The following HEYL variants were observed in gnomAD, a reference collection of about 807,000 sequenced individuals.
HEYL encodes hes related family bHLH transcription factor with YRPW motif like, also known as hairy/enhancer-of-split related with YRPW motif-like protein.
Under a neutral mutation model 18.6 loss-of-function variants are expected in HEYL, and 12 were observed. The observed-to-expected ratio is 0.65, with a 90% CI of 0.41 to 1.05. HEYL has a LOEUF of 1.05. HEYL is among the 50% of genes least tolerant of loss of function. HEYL has a pLI of 0.00. For missense variants in HEYL, 420 were observed against 444.7 expected, an observed-to-expected ratio of 0.94 and a Z score of 0.50; for synonymous variants, 159 against 179.6, an observed-to-expected ratio of 0.89 and a Z score of 0.91.
chr1:39,636,318 G>C (rs1032896930), intron 1 of HEYL, among the ~76,000 whole-genome samples: 2 of 151,480 alleles, frequency 1.3e-5, no homozygotes, highest in Non-Finnish European at 2.9e-5. Flanking sequence ...CCAGGCTGGA[G>C]TGCAGTGGCA....
At position 39,626,260 on chromosome 1, in the gene HEYL, CTGT is replaced by C; in HGVS notation, c.*244_*246del. ...TCTGAGGGTCTCTCCCAGGACTCATCTGTTCAGGTGAGAAATGGAACCAAGCCT... is the reference window on the plus strand; with the variant it reads ...TCTGAGGGTCTCTCCCAGGACTCATCTCAGGTGAGAAATGGAACCAAGCCT... On this transcript the variant is annotated 3_prime_UTR_variant, in exon 5 of 5. Coordinates refer to ENST00000372852, the MANE Select transcript of HEYL (RefSeq NM_014571.4). 1 of 494,538 alleles carries C rather than the reference CTGT, an allele frequency of 2.0e-6. No individual in the cohort carries two copies. The highest frequency in any genetic ancestry group is 3.5e-6 in the Non-Finnish European group (1 of 283,306). The allele number at this position is 494,538 out of a possible 1,614,324, so 30.6% of individuals were successfully genotyped here. A position where few individuals can be genotyped will look rare whatever the true frequency, so the allele number is the denominator to read the frequency against.
Position 39,627,194 on chromosome 1 carries a change from C to T in HEYL, c.314-14G>A, listed in dbSNP as rs577090700. The T allele has an allele frequency of 3.9e-5, 62 of 1,603,450 alleles. No homozygotes were observed. The East Asian group carries it at 1.0e-3, about 27-fold the overall frequency. ...CATCAAAGAATCCTGCAAAGGGAGG[C>T]GTGATGAAGGTCATGCCAGGTGTGG... On this transcript the variant is annotated splice_polypyrimidine_tract_variant and intron_variant, in intron 4 of 4. Transcript: ENST00000372852.
rs146516387 is a variant in HEYL, at chr1:39,626,909, G to C, written c.585C>G (p.Ile195Met). Residue 195 changes from isoleucine (I) to methionine (M), a missense_variant, in exon 5 of 5, where the codon ATC (isoleucine) becomes ATG (methionine). Ile to Met is a conservative substitution (Grantham distance 10, BLOSUM62 1). Coordinates refer to ENST00000372852, the MANE Select transcript of HEYL (RefSeq NM_014571.4). ...GLPALSNQLA[I>M]LGRVPSPVLP... The stretch of plus-strand genomic sequence containing the variant: ...GGACAGGGCTGGGCACTCTTCCCAG[G>C]ATGGCGAGCTGGTTGCTCAGGGCTG... 1.5e-4 allele frequency: 248 copies of C among 1,610,634 alleles called. 1 individual carries two copies. The African/African-American group carries it at 2.8e-3, about 18-fold the overall frequency.
chr1:39,633,529 G>C (rs963411238), intron 1 of HEYL: 3 of 152,260 alleles, frequency 2.0e-5, no homozygotes, highest in Non-Finnish European at 4.4e-5. Flanking sequence ...GGTCCACTGA[G>C]GCATCATTCA....
At position 39,639,578 on chromosome 1, in the gene HEYL, T is replaced by TCCGTCGGACTCC. The variant is rs776447709; in HGVS notation, c.36_47dup (p.Glu13_Gly16dup). On this transcript the variant is annotated inframe_insertion, in exon 1 of 5. Coordinates refer to ENST00000372852, the MANE Select transcript of HEYL (RefSeq NM_014571.4). ...GGCCCTCTTGGCCCACGTCGATGGG[T>TCCGTCGGACTCC]CCGTCGGACTCCCCGTCGGAGCCGC... 1.3e-6 allele frequency: 2 copies of TCCGTCGGACTCC among 1,582,752 alleles called. No homozygotes were observed. The highest frequency in any genetic ancestry group is 2.8e-5 in the African/African-American group (2 of 71,366).
In HEYL at chr1:39,626,857, G is replaced by C. The variant is rs1237592905; in HGVS notation, c.637C>G (p.Pro213Ala). ...GGAGCGGTTCGGAGGGCTGGGATGG[G>C]GTAAGCAGGAGAGGAGACACCGGGG... is the stretch of plus-strand genomic sequence containing the variant. ...VLPGVSSPAY[P>A]IPALRTAPLR... The change falls in exon 5 of 5, where the codon CCC becomes GCC. Residue 213 changes from proline to alanine, a missense_variant. Pro to Ala is a conservative substitution (Grantham distance 27, BLOSUM62 -1). Transcript: ENST00000372852. 5.7e-6 allele frequency: 9 copies of C among 1,587,664 alleles called. No homozygotes were observed. The highest frequency in any genetic ancestry group is 7.7e-6 in the Non-Finnish European group (9 of 1,166,622).
At chr1:39,637,446 C>T (rs369541038) in intron 1 of HEYL, among the ~76,000 whole-genome samples, 1 of 152,204 alleles carries the variant, frequency 6.6e-6, no homozygotes, top group African/African-American at 2.4e-5. Context: ...AGCTCTTCTT[C>T]CCTGAGAGTT....
rs1426651129 is a variant in HEYL at position 39,626,722 on chromosome 1, C to T, written c.772G>A (p.Val258Met). The change falls in exon 5 of 5, where the codon GTG becomes ATG. Residue 258 changes from valine to methionine, a missense_variant. Physicochemically the swap from Val to Met is conservative, Grantham distance 21. Coordinates refer to ENST00000372852, the MANE Select transcript of HEYL (RefSeq NM_014571.4). ...ARPLERPATP[V>M]PVAPSSRAAR... ...GCCCTGCTGCTGGGGGCGACAGGCACAGGGGTCGCTGGCCTCTCTAGGGGG... is the reference window on the plus strand; with the variant it reads ...GCCCTGCTGCTGGGGGCGACAGGCATAGGGGTCGCTGGCCTCTCTAGGGGG... The T allele has an allele frequency of 2.6e-6, 4 of 1,509,524 alleles. No homozygotes were observed. The East Asian group carries it at 9.7e-5, about 37-fold the overall frequency. The allele number at this position is 1,509,524 out of a possible 1,614,324, so 93.5% of individuals were successfully genotyped here.
Position 39,632,679 on chromosome 1 carries a change from C to T in HEYL, c.117G>A (p.Ser39=), listed in dbSNP as rs763202732. 3.7e-6 allele frequency: 6 copies of T among 1,613,812 alleles called. No individual in the cohort carries two copies. The South Asian group carries it at 4.4e-5, about 12-fold the overall frequency. The change falls in exon 2 of 5, where the codon TCG becomes TCA. Residue 39 remains serine (S), a synonymous_variant. Coordinates refer to ENST00000372852, the MANE Select transcript of HEYL (RefSeq NM_014571.4). ...MARPLSTPSS[S]QMQARKKHRG... ...TGTGTTTCTTCCTGGCTTGCATCTG[C>T]GAAGAGCTGGGGGTGGACAGCGGCC...
chr1:39,626,581 G>T lies in HEYL; in HGVS notation c.913C>A (p.Pro305Thr). 3 of 1,552,430 alleles carry T rather than the reference G, an allele frequency of 1.9e-6. No homozygotes were observed. Among genetic ancestry groups the T allele is most frequent in the Non-Finnish European group, 2.6e-6 (3 of 1,148,648 alleles). ...ATGGCTCCCGCTGGCCTCCCAGCTG[G>T]CCCTGGGGAGGATGAGTTGGGGGTG... ...VPTPNSSSPG[P>T]AGRPAGAMLY... Residue 305 changes from proline to threonine, a missense_variant, in exon 5 of 5, where the codon CCA becomes ACA. Physicochemically the swap from Pro to Thr is conservative, Grantham distance 38. Transcript: ENST00000372852.
intron 2 of HEYL, 54 bp from the exon 3 acceptor site, chr1:39,631,633 G>A (rs1646334150): frequency 4.2e-6 from 6 of 1,427,268 alleles, no homozygotes; most frequent in South Asian, 1.1e-5. Context: ...AGTTTCCAAA[G>A]TGCCTTGATG....
intron 1 of HEYL, 200 bp from the exon 2 acceptor site, chr1:39,632,915 C>A (rs1026716090): frequency 1.0e-5 from 10 of 985,368 alleles, no homozygotes; most frequent in South Asian, 4.7e-5. Flanking sequence ...TCCGGACCTG[C>A]TCGGCCTCGC....
Position 39,623,439 on chromosome 1 carries a change from C to T in HEYL, c.*3068G>A, listed in dbSNP as rs935090693. Among the ~76,000 whole-genome samples the T allele has an allele frequency of 3.9e-5, 6 of 152,266 alleles. No homozygotes were observed. Among genetic ancestry groups the T allele is most frequent in the Non-Finnish European group, 7.3e-5 (5 of 68,046 alleles). ...GAAGATATCTCACCTTCTCAGTTCACTTCTTCAACAAGTATTTATTGAACG... is the reference window on the plus strand; with the variant it reads ...GAAGATATCTCACCTTCTCAGTTCATTTCTTCAACAAGTATTTATTGAACG... On this transcript the variant is annotated 3_prime_UTR_variant, in exon 5 of 5. Coordinates refer to ENST00000372852, the MANE Select transcript of HEYL (RefSeq NM_014571.4).
chr1:39,631,441 C>A, intron 3 of HEYL, 55 bp downstream of exon 3: 1 of 1,501,186 alleles, frequency 6.7e-7, no homozygotes, highest in Non-Finnish European at 9.3e-7. Context: ...GAGAAACGAA[C>A]CTTATCTGCC....
intron 4 of HEYL, among the ~76,000 whole-genome samples, chr1:39,628,365 C>T (rs978695495): frequency 6.6e-6 from 1 of 151,740 alleles, no homozygotes; most frequent in African/African-American, 2.4e-5. Context: ...CTGAAATCTC[C>T]GCCTCCCAGG....
intron 3 of HEYL, 54 bp from the exon 4 acceptor site, chr1:39,630,362 C>T (rs1341554078): frequency 1.1e-5 from 15 of 1,367,354 alleles, no homozygotes; most frequent in Admixed American, 5.0e-5. Flanking sequence ...TGTAGCTGTG[C>T]GGTGTCATCA....
At chr1:39,632,382 G>A (rs58043961) in intron 2 of HEYL, among the ~76,000 whole-genome samples, 43,672 of 152,186 alleles carry the variant, frequency 0.29, 6,639 homozygotes, top group African/African-American at 0.33. Context: ...ATTGTTTAGA[G>A]CATTACATTA....
intron 1 of HEYL, among the ~76,000 whole-genome samples, chr1:39,634,157 A>G (rs542197235): frequency 1.3e-5 from 2 of 152,216 alleles, no homozygotes; most frequent in Non-Finnish European, 2.9e-5. Flanking sequence ...GTGCACTGGC[A>G]TGATCTTGGC....
chr1:39,632,828 C>G, intron 1 of HEYL, 113 bp from the exon 2 acceptor site: 1 of 1,537,728 alleles, frequency 6.5e-7, no homozygotes, highest in African/African-American at 1.4e-5. Context: ...GCAGCTTGCT[C>G]TCCCCTTCTT....
Sources: allele counts gnomAD v4.1 joint callset (sites outside exome capture counted in the v4.1 genomes callset), GRCh38; gene constraint gnomAD v4.1.1; transcripts MANE v1.5; gene names NCBI Gene and HGNC (gene_info 2026-07-23, HGNC 2026-07-21).